CNTN4: variants seen among roughly 807,000 people sequenced by gnomAD.
CNTN4 encodes contactin-4.
Under a neutral mutation model 122.5 loss-of-function variants are expected in CNTN4, and 77 were observed. The ratio of observed to expected loss-of-function variants is 0.63; its 90% CI spans 0.52 to 0.76. The LOEUF (loss-of-function observed/expected upper bound fraction) is 0.76, where lower values mean the gene tolerates loss of function less well. Ranked by LOEUF, CNTN4 falls within the 30% of genes least tolerant of loss-of-function variation. CNTN4 has a pLI of 0.00. For missense variants in CNTN4, 1,256 were observed against 1,259.1 expected, an observed-to-expected ratio of 1.00 and a Z score of 0.04; for synonymous variants, 512 against 447.0, an observed-to-expected ratio of 1.15 and a Z score of -1.83.
intron 2 of CNTN4, among the ~76,000 whole-genome samples, chr3:2,318,681 C>T (rs1239033683): frequency 3.9e-5 from 6 of 152,084 alleles, no homozygotes; most frequent in Non-Finnish European, 8.8e-5. Flanking sequence ...CAGGGTCTCC[C>T]ACTGTCACCC....
At chr3:3,007,349 G>A (rs1234566813) in intron 14 of CNTN4, among the ~76,000 whole-genome samples, 1 of 152,204 alleles carries the variant, frequency 6.6e-6, no homozygotes, top group Non-Finnish European at 1.5e-5. Context: ...AGGAATAGAT[G>A]TGATTTCTCA....
chr3:2,781,134 TG>T (rs1366242190), intron 6 of CNTN4, among the ~76,000 whole-genome samples: 6 of 152,188 alleles, frequency 3.9e-5, no homozygotes, highest in African/African-American at 1.4e-4. Context: ...TAAGACCAGT[TG>T]AAACAGTGTA....
At chr3:2,707,526 C>A (rs570123953) in intron 4 of CNTN4, among the ~76,000 whole-genome samples, 1 of 152,230 alleles carries the variant, frequency 6.6e-6, no homozygotes, top group Non-Finnish European at 1.5e-5. Flanking sequence ...AATTGAAAGT[C>A]CCCTAATATT....
intron 6 of CNTN4, among the ~76,000 whole-genome samples, chr3:2,796,757 A>G (rs1173274822): frequency 6.6e-6 from 1 of 152,204 alleles, no homozygotes; most frequent in African/African-American, 2.4e-5. Flanking sequence ...TTGAAGAGAG[A>G]TTAAGGGAAA....
chr3:2,683,146 GA>G (rs1466473613), intron 4 of CNTN4, among the ~76,000 whole-genome samples: 1 of 152,068 alleles, frequency 6.6e-6, no homozygotes. Flanking sequence ...TTTACAACAA[GA>G]AATGGAATAG....
intron 4 of CNTN4, among the ~76,000 whole-genome samples, chr3:2,612,247 C>G (rs918779971): frequency 6.6e-6 from 1 of 151,816 alleles, no homozygotes; most frequent in African/African-American, 2.4e-5. Flanking sequence ...GCTAACGAAA[C>G]CAAATGTCGC....
chr3:2,614,128 C>A (rs923685022), intron 4 of CNTN4, among the ~76,000 whole-genome samples: 2 of 152,056 alleles, frequency 1.3e-5, no homozygotes, highest in South Asian at 2.1e-4. Flanking sequence ...CTTTAGGGGT[C>A]AAGGAAGTCC....
chr3:2,428,933 T>C (rs1221428556), intron 3 of CNTN4, among the ~76,000 whole-genome samples: 1 of 152,236 alleles, frequency 6.6e-6, no homozygotes, highest in Non-Finnish European at 1.5e-5. Flanking sequence ...TCAGGTCATT[T>C]AAGGACTTCT....
At chr3:2,556,914 G>T (rs1037213158) in intron 3 of CNTN4, among the ~76,000 whole-genome samples, 1 of 152,116 alleles carries the variant, frequency 6.6e-6, no homozygotes, top group African/African-American at 2.4e-5. Flanking sequence ...TGAAAATGCT[G>T]TCTTGAAATT....
At chr3:2,477,959 A>T (rs565293806) in intron 3 of CNTN4, among the ~76,000 whole-genome samples, 1 of 152,328 alleles carries the variant, frequency 6.6e-6, no homozygotes, top group African/African-American at 2.4e-5. Flanking sequence ...TCTATTTTTA[A>T]ATTACTTTGA....
intron 2 of CNTN4, among the ~76,000 whole-genome samples, chr3:2,325,232 G>T (rs969319182): frequency 2.0e-5 from 3 of 152,162 alleles, no homozygotes; most frequent in Non-Finnish European, 2.9e-5. Context: ...CTATGATTAA[G>T]CCAGACATTA....
chr3:2,669,291 G>T (rs530114902), intron 4 of CNTN4, among the ~76,000 whole-genome samples: 5 of 152,180 alleles, frequency 3.3e-5, no homozygotes, highest in Non-Finnish European at 5.9e-5. Context: ...TCTATTCAGA[G>T]ATTCAACTTC....
At chr3:2,576,875 A>G (rs1048160443) in intron 4 of CNTN4, among the ~76,000 whole-genome samples, 1 of 152,062 alleles carries the variant, frequency 6.6e-6, no homozygotes, top group Non-Finnish European at 1.5e-5. Context: ...GACTTTAACT[A>G]TAGCTGGGGT....
intron 3 of CNTN4, among the ~76,000 whole-genome samples, chr3:2,415,173 C>T (rs367746686): frequency 6.6e-6 from 1 of 152,278 alleles, no homozygotes; most frequent in South Asian, 2.1e-4. Flanking sequence ...TAAATGTGCT[C>T]TTCTGCCTTG....
chr3:2,153,323 A>AT (rs1559292206), intron 2 of CNTN4, among the ~76,000 whole-genome samples: 84 of 152,320 alleles, frequency 5.5e-4, no homozygotes, highest in African/African-American at 2.0e-3. Context: ...GGAGCAACCC[A>AT]TGAGGAGGAA....
At chr3:2,865,527 G>A (rs976966744) in intron 7 of CNTN4, among the ~76,000 whole-genome samples, 3 of 152,160 alleles carry the variant, frequency 2.0e-5, no homozygotes, top group Admixed American at 1.3e-4. Flanking sequence ...CAGTCAACTA[G>A]TTCTGAAACC....
At chr3:2,806,424 G>C (rs761433103) in intron 6 of CNTN4, among the ~76,000 whole-genome samples, 3 of 152,200 alleles carry the variant, frequency 2.0e-5, no homozygotes, top group Non-Finnish European at 2.9e-5. Context: ...AGGGCTGTCA[G>C]GCCGCACAAA....
At chr3:2,539,179 A>G (rs2077933594) in intron 3 of CNTN4, among the ~76,000 whole-genome samples, 1 of 152,070 alleles carries the variant, frequency 6.6e-6, no homozygotes, top group South Asian at 2.1e-4. Context: ...AAATTGACTA[A>G]TTTAGGTTGA....
intron 6 of CNTN4, among the ~76,000 whole-genome samples, chr3:2,746,035 C>T (rs2089737579): frequency 1.1e-4 from 2 of 18,258 alleles, no homozygotes; most frequent in East Asian, 1.7e-3. Flanking sequence ...CACACACCCA[C>T]ACACACACAT....
Sources: gnomAD v4.1 joint callset for allele counts (sites outside exome capture counted in the v4.1 genomes callset) on GRCh38, gnomAD v4.1.1 for gene constraint, MANE v1.5 for transcripts, NCBI Gene and HGNC (gene_info 2026-07-23, HGNC 2026-07-21) for gene names.